The following SPEF2 variants were observed in gnomAD, a reference collection of about 807,000 sequenced individuals.
SPEF2 encodes sperm flagellar and cilia associated 2.
In SPEF2, 187 loss-of-function variants were observed where a neutral mutation model predicts 224.6. The ratio of observed to expected loss-of-function variants is 0.83; its 90% confidence interval spans 0.74 to 0.94. The LOEUF is 0.94. SPEF2 is among the 40% of genes least tolerant of loss of function. The pLI, the probability that SPEF2 is intolerant of heterozygous loss-of-function variation, is 0.00. For missense variants in SPEF2, 2,170 were observed against 2,135.6 expected, an observed-to-expected ratio of 1.02 and a Z score of -0.32; for synonymous variants, 715 against 707.3, an observed-to-expected ratio of 1.01 and a Z score of -0.17.
At chr5:35,789,945 A>G (rs1187100289) in intron 30 of SPEF2, 5 of 702,538 alleles carry the variant, frequency 7.1e-6, no homozygotes, top group Non-Finnish European at 1.3e-5. Context: ...AAGCAAGCTG[A>G]GGAAAGTGGT....
intron 16 of SPEF2, among the ~76,000 whole-genome samples, chr5:35,703,112 TTA>T (rs1739004581): frequency 1.3e-5 from 2 of 151,192 alleles, no homozygotes; most frequent in South Asian, 2.1e-4. Flanking sequence ...ATTTTTTTTT[TTA>T]TTCTCTCTTT....
chr5:35,706,580 T>C (rs1480330651), intron 18 of SPEF2, among the ~76,000 whole-genome samples: 6 of 152,120 alleles, frequency 3.9e-5, no homozygotes, highest in Admixed American at 3.9e-4. Flanking sequence ...GCAACTACTG[T>C]TTCTTAGTAT....
rs529500469 is a variant in SPEF2, at chr5:35,646,691, A to T, written c.610A>T (p.Asn204Tyr). Residue 204 changes from asparagine to tyrosine, a missense_variant, in exon 5 of 37, where the codon AAT becomes TAT. Coordinates refer to ENST00000356031, the MANE Select transcript of SPEF2 (RefSeq NM_024867.4). ...GCAATACTTAAACAGAAGACGACAA[A>T]ATGAAATAATGGCCAAAATCCAAGC... is the stretch of plus-strand genomic sequence containing the variant. ...EKQYLNRRRQ[N>Y]EIMAKIQAAI... The T allele has an allele frequency of 1.2e-6, 2 of 1,613,714 alleles. No individual in the cohort carries two copies. Among genetic ancestry groups the T allele is most frequent in the African/African-American group, 2.7e-5 (2 of 74,926 alleles).
rs10073537 is a variant in SPEF2 at position 35,712,905 on chromosome 5, T to G, written c.2914+19T>G. On this transcript the variant is annotated intron_variant, in intron 20 of 36. Transcript: ENST00000356031. ...AGAAAAGGTACAGCAGATAAAAATA[T>G]ATATAATTACATGTAATTCTGCATT... 0.78 allele frequency: 1,244,442 copies of G among 1,602,998 alleles called. 484,651 individuals are homozygous for G. The highest frequency in any genetic ancestry group is 0.82 in the Middle Eastern group (4,977 of 6,042).
rs1747436157 is a variant in SPEF2, at chr5:35,646,806, A to AAGT, written c.726+1_726+3dup. 10 of 1,613,706 alleles carry AAGT rather than the reference A, an allele frequency of 6.2e-6. No individual in the cohort carries two copies. The highest frequency in any genetic ancestry group is 8.5e-6 in the Non-Finnish European group (10 of 1,179,788). On this transcript the variant is annotated inframe_insertion and splice_region_variant, in exon 5 of 37. Transcript: ENST00000356031. The stretch of plus-strand genomic sequence containing the variant: ...ATGATGAAAAAGAAAAAAGAGGCAG[A>AAGT]AGTAAGTGATAATCCTTTAATATTG...
At chr5:35,738,715 G>A (rs1747083649) in intron 21 of SPEF2, among the ~76,000 whole-genome samples, 1 of 151,692 alleles carries the variant, frequency 6.6e-6, no homozygotes, top group Non-Finnish European at 1.5e-5. Context: ...TGAGATGTCT[G>A]TGGGGTTGGC....
chr5:35,685,133 T>A (rs1753400482), intron 10 of SPEF2, among the ~76,000 whole-genome samples: 1 of 152,126 alleles, frequency 6.6e-6, no homozygotes, highest in Non-Finnish European at 1.5e-5. Context: ...GGCAGTAAAC[T>A]AAAAATACTT....
At chr5:35,709,244 T>TTACAC in intron 19 of SPEF2, 123 bp downstream of exon 19, 8 of 1,496,224 alleles carry the variant, frequency 5.3e-6, no homozygotes, top group Non-Finnish European at 7.1e-6. Context: ...AAACAAGGCT[T>TTACAC]TACACTCAGA....
intron 30 of SPEF2, among the ~76,000 whole-genome samples, chr5:35,785,459 G>C (rs1333372246): frequency 6.6e-6 from 1 of 151,922 alleles, no homozygotes; most frequent in African/African-American, 2.4e-5. Context: ...CTAAAATTCT[G>C]TTTTGAAACT....
At chr5:35,748,203 G>T (rs546549146) in intron 23 of SPEF2, among the ~76,000 whole-genome samples, 1 of 152,036 alleles carries the variant, frequency 6.6e-6, no homozygotes, top group Non-Finnish European at 1.5e-5. Flanking sequence ...AAAGTTCATA[G>T]CCCTAAATGC....
intron 21 of SPEF2, among the ~76,000 whole-genome samples, chr5:35,735,903 CCTAA>C (rs550080052): frequency 4.0e-4 from 61 of 152,286 alleles, no homozygotes; most frequent in African/African-American, 1.4e-3. Flanking sequence ...TAGACAGTTT[CCTAA>C]CTGAGACAAA....
chr5:35,786,429 G>A (rs555090611), intron 30 of SPEF2, among the ~76,000 whole-genome samples: 23 of 152,056 alleles, frequency 1.5e-4, no homozygotes, highest in Non-Finnish European at 2.8e-4. Flanking sequence ...GGAAGCCGAG[G>A]TGGGTGGTTC....
intron 23 of SPEF2, among the ~76,000 whole-genome samples, chr5:35,751,017 A>G (rs1486720589): frequency 6.6e-4 from 68 of 102,754 alleles, no homozygotes; most frequent in African/African-American, 2.4e-3. Context: ...ATATACGTAT[A>G]TATATACGTA....
chr5:35,722,854 A>C (rs1743987024), intron 20 of SPEF2, among the ~76,000 whole-genome samples: 2 of 151,914 alleles, frequency 1.3e-5, no homozygotes, highest in African/African-American at 2.4e-5. Flanking sequence ...CATGGTTTTG[A>C]GTCCCCATTT....
intron 8 of SPEF2, among the ~76,000 whole-genome samples, chr5:35,659,556 C>G (rs2149449449): frequency 6.6e-6 from 1 of 152,222 alleles, no homozygotes; most frequent in African/African-American, 2.4e-5. Context: ...TCCCTGAGTT[C>G]TTATAACAGT....
intron 1 of SPEF2, among the ~76,000 whole-genome samples, chr5:35,623,361 T>A (rs1743786980): frequency 6.6e-6 from 1 of 152,184 alleles, no homozygotes; most frequent in Non-Finnish European, 1.5e-5. Flanking sequence ...TCTTGGCTTT[T>A]TAAATGTAGT....
chr5:35,806,598 T>C (rs902304344), intron 34 of SPEF2, 109 bp from the exon 35 acceptor site: 2 of 1,371,996 alleles, frequency 1.5e-6, no homozygotes, highest in African/African-American at 1.5e-5. Flanking sequence ...TGTGGTAGGC[T>C]CTGTCATTCA....
intron 31 of SPEF2, 116 bp downstream of exon 31, chr5:35,792,562 A>G: frequency 1.3e-6 from 1 of 748,382 alleles, no homozygotes; most frequent in East Asian, 2.7e-5. Flanking sequence ...TAGGCAATCA[A>G]TGAAATGTGA....
At chr5:35,628,017 A>G (rs1023285122) in intron 1 of SPEF2, among the ~76,000 whole-genome samples, 2 of 152,186 alleles carry the variant, frequency 1.3e-5, no homozygotes, top group African/African-American at 2.4e-5. Flanking sequence ...ATTGTTTTGC[A>G]GGTTAAAATG....
Sources: allele counts gnomAD v4.1 joint callset (sites outside exome capture counted in the v4.1 genomes callset), GRCh38; gene constraint gnomAD v4.1.1; transcripts MANE v1.5; gene names NCBI Gene and HGNC (gene_info 2026-07-23, HGNC 2026-07-21).